ACSM2B: variants seen among roughly 807,000 people sequenced by gnomAD.
ACSM2B encodes the protein acyl-coenzyme A synthetase ACSM2B, mitochondrial.
A neutral mutation model predicts 78.6 loss-of-function variants in ACSM2B; 58 were observed. The observed-to-expected ratio is 0.74, with a 90% CI of 0.60 to 0.92. The LOEUF (loss-of-function observed/expected upper bound fraction) is 0.92. ACSM2B is among the 40% of genes least tolerant of loss of function. The probability of loss-of-function intolerance (pLI) is 0.00; values close to 1 mark genes in which losing one functional copy is unlikely to be tolerated. For missense variants in ACSM2B, 688 were observed against 711.2 expected (o/e 0.97, Z 0.37); for synonymous variants, 257 against 256.8 (o/e 1.00, Z -0.01).
At chr16:20,566,798 AAT>A (rs1177766389) in intron 1 of ACSM2B, among the ~76,000 whole-genome samples, 3 of 101,982 alleles carry the variant, frequency 2.9e-5, no homozygotes, top group East Asian at 5.0e-4. Flanking sequence ...TGAAATATAT[AAT>A]ATATAATTTT....
intron 6 of ACSM2B, among the ~76,000 whole-genome samples, chr16:20,551,125 G>T (rs2015297479): frequency 6.6e-6 from 1 of 152,128 alleles, no homozygotes; most frequent in African/African-American, 2.4e-5. Flanking sequence ...TACATGAAAT[G>T]CAAGAAGAGA....
At chr16:20,560,535 GCA>G (rs2015620497) in intron 2 of ACSM2B, among the ~76,000 whole-genome samples, 1 of 151,976 alleles carries the variant, frequency 6.6e-6, no homozygotes, top group African/African-American at 2.4e-5. Flanking sequence ...GCAGATGCCA[GCA>G]CACTTCCTGT....
intron 4 of ACSM2B, among the ~76,000 whole-genome samples, chr16:20,554,492 G>A (rs2015409725): frequency 6.6e-6 from 1 of 152,116 alleles, no homozygotes; most frequent in Non-Finnish European, 1.5e-5. Flanking sequence ...CATGGCATTA[G>A]GAAGGAAAAG....
At chr16:20,561,735 T>C (rs1314097834) in intron 2 of ACSM2B, among the ~76,000 whole-genome samples, 1 of 151,976 alleles carries the variant, frequency 6.6e-6, no homozygotes, top group Non-Finnish European at 1.5e-5. Flanking sequence ...TTACTATACT[T>C]TAAGTTTCAG....
intron 2 of ACSM2B, among the ~76,000 whole-genome samples, chr16:20,563,472 G>T (rs958970595): frequency 1.4e-4 from 21 of 152,168 alleles, no homozygotes; most frequent in Admixed American, 1.1e-3. Flanking sequence ...TGAATTGAGA[G>T]ATTTTTTGAT....
chr16:20,570,376 T>C (rs2016059649), intron 1 of ACSM2B, among the ~76,000 whole-genome samples: 1 of 152,062 alleles, frequency 6.6e-6, no homozygotes, highest in South Asian at 2.1e-4. Context: ...TTGACTTGTG[T>C]ATGTTAAACC....
chr16:20,547,272 C>T, intron 8 of ACSM2B: 1 of 985,404 alleles, frequency 1.0e-6, no homozygotes, highest in Non-Finnish European at 1.2e-6. Context: ...GTGGGAGGCC[C>T]CTGCCAGGGT....
At chr16:20,575,417 C>T (rs1468053089) in intron 1 of ACSM2B, 1 of 151,226 alleles carries the variant, frequency 6.6e-6, no homozygotes, top group Non-Finnish European at 1.5e-5. Flanking sequence ...TCAGTATTAA[C>T]TCACATGATC....
chr16:20,540,213 G>GT lies in ACSM2B; in HGVS notation c.1629+440dup, dbSNP rs574914645. 6.9e-3 allele frequency among the ~76,000 whole-genome samples: 530 copies of GT among 76,678 alleles called. 3 individuals carry two copies. Among genetic ancestry groups the GT allele is most frequent in the Middle Eastern group, 0.039 (6 of 152 alleles). The allele number at this position is 76,678 out of a possible 152,430, so 50.3% of individuals were successfully genotyped here. A position where few individuals can be genotyped will look rare whatever the true frequency, so the allele number is the denominator to read the frequency against. On this transcript the variant is annotated intron_variant, in intron 13 of 13. Transcript: ENST00000329697. Reference sequence around the variant, plus strand: ...GGCTTTCTTGAGCATAGGAAGAGTTGTTTTTTTTTTGTTTTTTTTTTTTGT... The same window carrying GT: ...GGCTTTCTTGAGCATAGGAAGAGTTGTTTTTTTTTTTGTTTTTTTTTTTTGT...
At chr16:20,555,916 A>G (rs1049558020) in intron 3 of ACSM2B, among the ~76,000 whole-genome samples, 1 of 152,148 alleles carries the variant, frequency 6.6e-6, no homozygotes, top group Non-Finnish European at 1.5e-5. Flanking sequence ...CAACCCTGGG[A>G]CATTAAATGC....
At chr16:20,566,741 C>CTATATATAATATATAG (rs1567218647) in intron 1 of ACSM2B, among the ~76,000 whole-genome samples, 1 of 44,810 alleles carries the variant, frequency 2.2e-5, no homozygotes, top group African/African-American at 1.1e-4. Context: ...ATAGTATATA[C>CTATATATAATATATAG]TATATATACT....
intron 1 of ACSM2B, among the ~76,000 whole-genome samples, chr16:20,570,193 G>A (rs1464662549): frequency 6.6e-6 from 1 of 151,856 alleles, no homozygotes; most frequent in East Asian, 1.9e-4. Context: ...GTTGCCTGTG[G>A]GTTTGTCATA....
intron 12 of ACSM2B, chr16:20,541,000 C>T (rs970329569): frequency 2.2e-6 from 1 of 445,910 alleles, no homozygotes; most frequent in Non-Finnish European, 3.8e-6. Context: ...AGACCAGGCT[C>T]ACCTCATGCT....
At chr16:20,540,250 G>GT (rs71377664) in intron 13 of ACSM2B, among the ~76,000 whole-genome samples, 51,852 of 143,276 alleles carry the variant, frequency 0.36, 10,915 homozygotes, top group Non-Finnish European at 0.48. Flanking sequence ...TGTTTGTTTG[G>GT]TTTTTTTTTT....
rs547699611 is a variant in ACSM2B, at chr16:20,558,470, A to G, written c.388+767T>C. Among the ~76,000 whole-genome samples the G allele has an allele frequency of 9.3e-3, 1,341 of 144,058 alleles. 17 individuals are homozygous for G. Among genetic ancestry groups the G allele is most frequent in the African/African-American group, 0.026 (1,065 of 40,876 alleles). 94.5% of individuals were successfully genotyped at this position (144,058 alleles called of 152,430 possible). A position where few individuals can be genotyped will look rare whatever the true frequency, so the allele number is the denominator to read the frequency against. On this transcript the variant is annotated intron_variant, in intron 3 of 13. Coordinates refer to ENST00000329697, the MANE Select transcript of ACSM2B (RefSeq NM_001105069.2). ...TGCAATTATTAAACTCTTCTCTACCACAACTCCTACTGTTTTCAGTGTTTG... is the reference window on the plus strand; with the variant it reads ...TGCAATTATTAAACTCTTCTCTACCGCAACTCCTACTGTTTTCAGTGTTTG...
intron 5 of ACSM2B, among the ~76,000 whole-genome samples, chr16:20,553,375 T>C (rs2152138042): frequency 6.6e-6 from 1 of 152,288 alleles, no homozygotes; most frequent in East Asian, 1.9e-4. Context: ...TTTATCCAAT[T>C]ATATCTTCCA....
intron 1 of ACSM2B, among the ~76,000 whole-genome samples, chr16:20,566,242 G>C: frequency 1.4e-5 from 1 of 73,272 alleles, no homozygotes; most frequent in East Asian, 3.8e-4. Flanking sequence ...TGCCTTCATG[G>C]AAGATTATAT....
intron 12 of ACSM2B, chr16:20,542,059 G>C (rs1343815553): frequency 2.0e-4 from 31 of 151,836 alleles, no homozygotes; most frequent in Non-Finnish European, 3.7e-4. Context: ...AGGATACTTG[G>C]GGTGTCCATC....
In ACSM2B at chr16:20,552,167, A is replaced by T; in HGVS notation, c.871T>A (p.Phe291Ile). The change falls in exon 6 of 14, where the codon TTT becomes ATT. Residue 291 changes from phenylalanine to isoleucine, a missense_variant. Transcript: ENST00000329697. ...ACCTTTAGAATAACCAGTGGGTCAA[A>T]CTTTGGCAAGAGATGAACAAATGTG... ...ACTFVHLLPK[F>I]DPLVILKTLS... is the part of the protein sequence containing the mutation. 1 of 1,613,272 alleles carries T rather than the reference A, an allele frequency of 6.2e-7. No individual in the cohort carries two copies. The highest frequency in any genetic ancestry group is 8.5e-7 in the Non-Finnish European group (1 of 1,179,540).
Sources: gnomAD v4.1 joint callset for allele counts (sites outside exome capture counted in the v4.1 genomes callset) on GRCh38, gnomAD v4.1.1 for gene constraint, MANE v1.5 for transcripts, NCBI Gene and HGNC (gene_info 2026-07-23, HGNC 2026-07-21) for gene names.